Variants in VPS13C observed in about 807,000 individuals in gnomAD.
VPS13C encodes vacuolar protein sorting 13 homolog C, also known as intermembrane lipid transfer protein VPS13C.
In VPS13C, 358 loss-of-function variants were observed where a neutral mutation model predicts 456.8. That is an observed-to-expected ratio of 0.78 (90% confidence interval 0.72 to 0.86). The LOEUF (loss-of-function observed/expected upper bound fraction) is 0.86. Among genes scored for constraint, VPS13C ranks in the 40% least tolerant of loss-of-function variants. The pLI, the probability that VPS13C is intolerant of heterozygous loss-of-function variation, is 0.00. For missense variants in VPS13C, 4,818 were observed against 4,385.4 expected (o/e 1.10, Z -2.79); for synonymous variants, 1,578 against 1,486.7 (o/e 1.06, Z -1.41).
At chr15:62,028,250 C>T in intron 6 of VPS13C, 108 bp downstream of exon 6, 2 of 1,197,470 alleles carry the variant, frequency 1.7e-6, no homozygotes, top group Non-Finnish European at 2.4e-6. Flanking sequence ...AATTGCATTT[C>T]CATATTTTCT....
chr15:61,936,505 C>G, intron 48 of VPS13C, 92 bp downstream of exon 48: 1 of 1,269,842 alleles, frequency 7.9e-7, no homozygotes. Context: ...TAGTTCATAC[C>G]ACATTGTGCT....
rs1596386975 is a variant in VPS13C at position 61,961,477 on chromosome 15, G to A, written c.3908+112C>T. 4.9e-6 allele frequency: 5 copies of A among 1,030,706 alleles called. No individual in the cohort carries two copies. In the East Asian group the frequency reaches 1.3e-4, roughly 28 times the overall value. The allele number at this position is 1,030,706 out of a possible 1,614,324, so 63.8% of individuals were successfully genotyped here. Reference sequence around the variant, plus strand: ...ACAACAATAAAAAAAACTGTTCCGTGTAATGGAACAGTTTATTTGAATAAA... The same window carrying A: ...ACAACAATAAAAAAAACTGTTCCGTATAATGGAACAGTTTATTTGAATAAA... On this transcript the variant is annotated intron_variant, in intron 35 of 84. Transcript: ENST00000644861.
intron 47 of VPS13C, 112 bp downstream of exon 47, chr15:61,940,535 G>T: frequency 1.9e-6 from 2 of 1,077,760 alleles, no homozygotes; most frequent in Non-Finnish European, 1.3e-6. Flanking sequence ...AACTGGTTTA[G>T]CTTTATCAAT....
rs530807181 is a variant in VPS13C, at chr15:62,037,278, AT to A, written c.188-2227del. Among the ~76,000 whole-genome samples, 211 of 71,382 alleles carry A rather than the reference AT, an allele frequency of 3.0e-3. 3 individuals carry two copies. Among genetic ancestry groups the A allele is most frequent in the African/African-American group, 0.011 (191 of 16,714 alleles). 46.8% of individuals were successfully genotyped at this position (71,382 alleles called of 152,430 possible). On this transcript the variant is annotated intron_variant, in intron 3 of 84. Transcript: ENST00000644861. ...TTATATATATTATATTATATAATATATTATATATATTATATTATATAATATA... is the reference window on the plus strand; with the variant it reads ...TTATATATATTATATTATATAATATATATATATATTATATTATATAATATA...
At chr15:61,882,135 G>T (rs1895902897) in intron 69 of VPS13C, among the ~76,000 whole-genome samples, 1 of 152,024 alleles carries the variant, frequency 6.6e-6, no homozygotes, top group Admixed American at 6.6e-5. Flanking sequence ...TTAAATAAAA[G>T]TTGAAACTGA....
intron 28 of VPS13C, among the ~76,000 whole-genome samples, chr15:61,968,342 CTT>C: frequency 6.6e-6 from 1 of 152,010 alleles, no homozygotes; most frequent in Non-Finnish European, 1.5e-5. Context: ...TGTAACAACT[CTT>C]TTACATTTAC....
chr15:61,915,358 T>C (rs1490905172), intron 61 of VPS13C, among the ~76,000 whole-genome samples: 1 of 152,202 alleles, frequency 6.6e-6, no homozygotes, highest in African/African-American at 2.4e-5. Flanking sequence ...GTACATAAAT[T>C]CAAGCTATTC....
chr15:61,959,744 T>A, intron 35 of VPS13C, 149 bp from the exon 36 acceptor site: 1 of 711,570 alleles, frequency 1.4e-6, no homozygotes, highest in Non-Finnish European at 2.1e-6. Flanking sequence ...AACCTATAAT[T>A]AATCTATAAT....
intron 66 of VPS13C, among the ~76,000 whole-genome samples, chr15:61,903,135 G>A (rs2043051699): frequency 6.6e-6 from 1 of 151,938 alleles, no homozygotes; most frequent in African/African-American, 2.4e-5. Context: ...AGACCAGCCT[G>A]GGCAACATGG....
rs181580403 is a variant in VPS13C at position 61,927,043 on chromosome 15, G to A, written c.6516+48C>T. 2.8e-4 allele frequency: 429 copies of A among 1,518,380 alleles called. 1 individual carries two copies. The African/African-American group carries it at 5.4e-3, about 19-fold the overall frequency. The allele number at this position is 1,518,380 out of a possible 1,614,324, so 94.1% of individuals were successfully genotyped here. ...TATTCTAGGATTCTATGAATCAACTGTTTCTGCCATTCTTCAACCCAAGAT... is the reference window on the plus strand; with the variant it reads ...TATTCTAGGATTCTATGAATCAACTATTTCTGCCATTCTTCAACCCAAGAT... On this transcript the variant is annotated intron_variant, in intron 52 of 84. Transcript: ENST00000644861.
intron 49 of VPS13C, among the ~76,000 whole-genome samples, chr15:61,932,152 A>G (rs1596347928): frequency 6.6e-6 from 1 of 152,200 alleles, no homozygotes; most frequent in East Asian, 1.9e-4. Flanking sequence ...GGTAAAGAGT[A>G]TAAATAGTAA....
chr15:61,910,643 C>A (rs2043277487), intron 63 of VPS13C, among the ~76,000 whole-genome samples: 1 of 151,880 alleles, frequency 6.6e-6, no homozygotes, highest in African/African-American at 2.4e-5. Context: ...TTTGTGTATA[C>A]CCATTTTAAT....
rs913158534 is a variant in VPS13C at position 62,049,182 on chromosome 15, C to T, written c.101-4927G>A. Among the ~76,000 whole-genome samples the T allele has an allele frequency of 6.3e-4, 96 of 152,192 alleles. 1 individual carries two copies. The highest frequency in any genetic ancestry group is 1.1e-3 in the Non-Finnish European group (76 of 68,034). ...TTTAGACATGAAGTCCTTGCCCATG[C>T]CTATGTCCTGAATGGTATTGCCTAG... On this transcript the variant is annotated intron_variant, in intron 1 of 84. Coordinates refer to ENST00000644861, the MANE Select transcript of VPS13C (RefSeq NM_020821.3).
intron 16 of VPS13C, among the ~76,000 whole-genome samples, chr15:62,000,189 C>T (rs1174091566): frequency 6.6e-6 from 1 of 152,034 alleles, no homozygotes; most frequent in Non-Finnish European, 1.5e-5. Context: ...TGGCAACAAC[C>T]CATCTCTACT....
intron 3 of VPS13C, among the ~76,000 whole-genome samples, chr15:62,036,833 A>C (rs1596513180): frequency 6.6e-6 from 1 of 151,824 alleles, no homozygotes; most frequent in East Asian, 1.9e-4. Flanking sequence ...AAATTTTTTA[A>C]ATTTTTAAGA....
At chr15:61,955,868 T>C (rs117624378) in intron 37 of VPS13C, among the ~76,000 whole-genome samples, 1,559 of 152,292 alleles carry the variant, frequency 0.01, 13 homozygotes, top group Non-Finnish European at 0.015. Flanking sequence ...TTATACACTG[T>C]AGGTAGAAAT....
chr15:62,028,314 G>C (rs1444304381), intron 6 of VPS13C, 44 bp downstream of exon 6: 5 of 1,595,694 alleles, frequency 3.1e-6, no homozygotes, highest in African/African-American at 1.3e-5. Flanking sequence ...GCATACACAA[G>C]AATATGTTTA....
intron 16 of VPS13C, among the ~76,000 whole-genome samples, chr15:61,994,014 A>C (rs952123768): frequency 6.6e-6 from 1 of 152,146 alleles, no homozygotes; most frequent in African/African-American, 2.4e-5. Flanking sequence ...ATGAGACCTA[A>C]GATGAAGACG....
At chr15:61,946,807 T>C (rs986075851) in intron 43 of VPS13C, among the ~76,000 whole-genome samples, 1 of 152,022 alleles carries the variant, frequency 6.6e-6, no homozygotes, top group Admixed American at 6.6e-5. Flanking sequence ...ATTTACTATA[T>C]TATTAAAAAC....
Sources: allele counts gnomAD v4.1 joint callset (sites outside exome capture counted in the v4.1 genomes callset), GRCh38; gene constraint gnomAD v4.1.1; transcripts MANE v1.5; gene names NCBI Gene and HGNC (gene_info 2026-07-23, HGNC 2026-07-21).